MGST1: variants seen among roughly 807,000 people sequenced by gnomAD.
The protein encoded by MGST1 is microsomal glutathione S-transferase 1.
In MGST1, 5 loss-of-function variants were observed where a neutral mutation model predicts 8.9. The ratio of observed to expected loss-of-function variants is 0.56; its 90% CI spans 0.29 to 1.19. MGST1 has a LOEUF of 1.19. MGST1 is among the 50% of genes most tolerant of loss of function. MGST1 has a pLI of 0.08. For synonymous variants in MGST1, 54 were observed against 67.8 expected (o/e 0.80, Z 1.00); for missense variants, 182 against 187.4 (o/e 0.97, Z 0.17).
chr12:16,568,742 A>G (rs943599553), intron 4 of MGST1, among the ~76,000 whole-genome samples: 24 of 152,338 alleles, frequency 1.6e-4, no homozygotes, highest in African/African-American at 5.3e-4. Flanking sequence ...TACTAGAAAT[A>G]TTAAAATTAA....
chr12:16,420,984 T>G (rs1224484850), intron 1 of MGST1, among the ~76,000 whole-genome samples: 1 of 152,158 alleles, frequency 6.6e-6, no homozygotes, highest in Non-Finnish European at 1.5e-5. Flanking sequence ...CAGCACCGTC[T>G]CTGCAATTGG....
chr12:16,426,950 A>G (rs1259266277), intron 1 of MGST1, among the ~76,000 whole-genome samples: 1 of 148,986 alleles, frequency 6.7e-6, no homozygotes, highest in African/African-American at 2.5e-5. Context: ...ATCCTGGGTG[A>G]CAGAGCGAGA....
rs190180891 is a variant in MGST1 at position 16,491,869 on chromosome 12, C to T, written n.483-97659C>T. Among the ~76,000 whole-genome samples, 546 of 151,880 alleles carry T rather than the reference C, an allele frequency of 3.6e-3. 3 individuals are homozygous for T. The highest frequency in any genetic ancestry group is 0.017 in the South Asian group (81 of 4,804). On this transcript the variant is annotated intron_variant and non_coding_transcript_variant, in intron 4 of 4. Coordinates refer to the MGST1 transcript ENST00000538857. ...TTCCCGTTTCTAATATTTTGAAAGC[C>T]GGTGTTTTAGTAGTCATTTTCTGTA... is the stretch of plus-strand genomic sequence containing the variant.
rs1555104768 is a variant in MGST1, at chr12:16,454,902, A to AAAAAAAAAACAAAAAAAAAAAAAAAAG, written n.482+71300_482+71301insAAAAAAACAAAAAAAAAAAAAAAAGAA. On this transcript the variant is annotated intron_variant and non_coding_transcript_variant, in intron 4 of 4. Coordinates refer to the MGST1 transcript ENST00000538857. ...AAAAAAAAAAAAAAAAAAAAAAAAA[A>AAAAAAAAAACAAAAAAAAAAAAAAAAG]AAGGAGATGGGAAGATTTGAGGAGA... Among the ~76,000 whole-genome samples, 2 of 125,996 alleles carry AAAAAAAAAACAAAAAAAAAAAAAAAAG rather than the reference A, an allele frequency of 1.6e-5. 1 individual carries two copies. The highest frequency in any genetic ancestry group is 6.5e-5 in the African/African-American group (2 of 30,900). The allele number at this position is 125,996 out of a possible 152,430, so 82.7% of individuals were successfully genotyped here.
At chr12:16,447,739 C>T (rs911892513) in intron 4 of MGST1, among the ~76,000 whole-genome samples, 3 of 151,946 alleles carry the variant, frequency 2.0e-5, no homozygotes, top group African/African-American at 7.2e-5. Flanking sequence ...ATTCAAGGTC[C>T]TGGTGGAAGA....
At chr12:16,432,463 T>A (rs1940946269) in intron 1 of MGST1, among the ~76,000 whole-genome samples, 1 of 151,968 alleles carries the variant, frequency 6.6e-6, no homozygotes, top group African/African-American at 2.4e-5. Flanking sequence ...CTCATCTAGT[T>A]TTTATCTGCC....
intron 1 of MGST1, among the ~76,000 whole-genome samples, chr12:16,390,564 C>G (rs1219023639): frequency 6.6e-6 from 1 of 152,126 alleles, no homozygotes; most frequent in East Asian, 1.9e-4. Context: ...TTTTCTGTTT[C>G]TGTGCTAGTT....
chr12:16,492,539 T>C (rs1251061842), intron 4 of MGST1, among the ~76,000 whole-genome samples: 1 of 152,178 alleles, frequency 6.6e-6, no homozygotes, highest in Non-Finnish European at 1.5e-5. Context: ...GTTTACCTTA[T>C]GCTTAGGAGA....
intron 4 of MGST1, among the ~76,000 whole-genome samples, chr12:16,536,082 A>AGTGTGT (rs10579042): frequency 0.045 from 6,512 of 145,388 alleles, 265 homozygotes; most frequent in African/African-American, 0.1. Context: ...GGTGTGTGTG[A>AGTGTGT]GTGTGTGTGT....
chr12:16,409,655 C>T (rs1004366666), intron 1 of MGST1, among the ~76,000 whole-genome samples: 1 of 152,100 alleles, frequency 6.6e-6, no homozygotes, highest in Non-Finnish European at 1.5e-5. Flanking sequence ...AATTTCTAAG[C>T]CTTTGCAGAA....
exon 1 of MGST1, chr12:16,383,132 C>G (rs570007134): frequency 6.6e-6 from 1 of 152,628 alleles, no homozygotes; most frequent in African/African-American, 2.4e-5. Flanking sequence ...GGCTCGTGCA[C>G]GGTGCACTGC....
intron 4 of MGST1, among the ~76,000 whole-genome samples, chr12:16,486,704 C>T (rs1301161032): frequency 6.6e-6 from 1 of 152,156 alleles, no homozygotes; most frequent in Non-Finnish European, 1.5e-5. Flanking sequence ...CTGGCCAGAG[C>T]CTAGTGCTTA....
In MGST1 at chr12:16,362,517, G is replaced by A. The variant is rs563795277; in HGVS notation, c.222-1278G>A. 3.3e-5 allele frequency: 5 copies of A among 152,280 alleles called. No individual in the cohort carries two copies. The highest frequency in any genetic ancestry group is 2.1e-4 in the South Asian group (1 of 4,832). 9.4% of individuals were successfully genotyped at this position (152,280 alleles called of 1,614,324 possible). ...GCTTATTGCTATAGAAGAGAGTAAC[G>A]TAAAGCAGAAATAGTTTTCATTTTG... On this transcript the variant is annotated intron_variant, in intron 3 of 3. Coordinates refer to ENST00000396210, the MANE Select transcript of MGST1 (RefSeq NM_020300.5). This position sits in a 1 kb window ranked among gnomAD's most constrained non-coding sequence, Gnocchi z 4.4.
In MGST1 at chr12:16,484,780, C is replaced by T. The variant is rs538347743; in HGVS notation, n.482+101176C>T. On this transcript the variant is annotated intron_variant and non_coding_transcript_variant, in intron 4 of 4. Coordinates refer to the MGST1 transcript ENST00000538857. Reference sequence around the variant, plus strand: ...CTCCCACCAGGCCTGTCCTCCAACACTGGGGATTACAATGTGACATGAGAT... The same window carrying T: ...CTCCCACCAGGCCTGTCCTCCAACATTGGGGATTACAATGTGACATGAGAT... 1.3e-3 allele frequency among the ~76,000 whole-genome samples: 191 copies of T among 151,134 alleles called. 1 individual carries two copies. The highest frequency in any genetic ancestry group is 4.5e-3 in the African/African-American group (184 of 40,440).
downstream of MGST1, among the ~76,000 whole-genome samples, chr12:16,379,584 C>T (rs374223599): frequency 2.6e-5 from 4 of 152,224 alleles, no homozygotes; most frequent in African/African-American, 9.6e-5. Flanking sequence ...TCAATGTTCA[C>T]CAAGGATACT....
At chr12:16,440,246 T>A (rs966376562), downstream of MGST1, among the ~76,000 whole-genome samples, 2 of 148,844 alleles carry the variant, frequency 1.3e-5, no homozygotes, top group Non-Finnish European at 3.0e-5. Context: ...AATGTGTGTG[T>A]ACACACACAC....
chr12:16,370,685 T>G (rs1471079957), intron 3 of MGST1, among the ~76,000 whole-genome samples: 1 of 152,196 alleles, frequency 6.6e-6, no homozygotes, highest in East Asian at 1.9e-4. Context: ...GTTTTGCCAC[T>G]GATACACATG....
intron 4 of MGST1, among the ~76,000 whole-genome samples, chr12:16,557,785 G>A (rs768447630): frequency 2.0e-5 from 3 of 151,948 alleles, no homozygotes; most frequent in African/African-American, 4.8e-5. Flanking sequence ...TATTTTGTAG[G>A]TGTGGGAATC....
chr12:16,349,020 T>C (rs1489798053), intron 1 of MGST1: 1 of 152,120 alleles, frequency 6.6e-6, no homozygotes, highest in African/African-American at 2.4e-5. Context: ...GAACCCCACT[T>C]TGCATGAGAC....
Sources: allele counts gnomAD v4.1 joint callset (sites outside exome capture counted in the v4.1 genomes callset), GRCh38; gene constraint gnomAD v4.1.1; non-coding constraint Gnocchi (gnomAD v3.1); transcripts MANE v1.5; gene names NCBI Gene and HGNC (gene_info 2026-07-23, HGNC 2026-07-21).